ADAMTS12: variants seen among roughly 807,000 people sequenced by gnomAD.
ADAMTS12 encodes ADAM metallopeptidase with thrombospondin type 1 motif 12, also known as A disintegrin and metalloproteinase with thrombospondin motifs 12.
ADAMTS12 carries 118 observed loss-of-function variants against 167.8 expected under a neutral mutation model. That is an observed-to-expected ratio of 0.70 (90% CI 0.61 to 0.82). The LOEUF is 0.82. ADAMTS12 is among the 40% of genes least tolerant of loss of function. The pLI is 0.00. For missense variants in ADAMTS12, 1,916 were observed against 1,998.8 expected, an observed-to-expected ratio of 0.96 and a Z score of 0.79; for synonymous variants, 704 against 716.9, an observed-to-expected ratio of 0.98 and a Z score of 0.29.
intron 2 of ADAMTS12, among the ~76,000 whole-genome samples, chr5:33,820,368 C>T (rs924738570): frequency 6.6e-6 from 1 of 152,288 alleles, no homozygotes; most frequent in South Asian, 2.1e-4. Flanking sequence ...AAAGCACCAC[C>T]TGCATTATTT....
chr5:33,624,423 T>A (rs952257465), intron 13 of ADAMTS12, 72 bp from the exon 14 acceptor site: 1 of 1,596,594 alleles, frequency 6.3e-7, no homozygotes, highest in Admixed American at 1.7e-5. Context: ...TGTGACTTCT[T>A]CTTTCCCCTT....
At chr5:33,796,931 C>G (rs967572775) in intron 2 of ADAMTS12, among the ~76,000 whole-genome samples, 1 of 152,178 alleles carries the variant, frequency 6.6e-6, no homozygotes, top group African/African-American at 2.4e-5. Context: ...GGATGATGAA[C>G]TCAGTGATTG....
At chr5:33,644,784 G>A (rs1248357736) in intron 9 of ADAMTS12, among the ~76,000 whole-genome samples, 1 of 151,438 alleles carries the variant, frequency 6.6e-6, no homozygotes, top group Non-Finnish European at 1.5e-5. Context: ...AGGCTGGAGT[G>A]CAGTGGTGCC....
At chr5:33,718,995 G>A (rs1004411081) in intron 3 of ADAMTS12, among the ~76,000 whole-genome samples, 1 of 152,176 alleles carries the variant, frequency 6.6e-6, no homozygotes, top group African/African-American at 2.4e-5. Context: ...AGGTTTCTGT[G>A]CCTCTGTGTC....
At chr5:33,602,835 A>G (rs1184144677) in intron 16 of ADAMTS12, among the ~76,000 whole-genome samples, 1 of 152,236 alleles carries the variant, frequency 6.6e-6, no homozygotes, top group Non-Finnish European at 1.5e-5. Flanking sequence ...ATTTATTTCC[A>G]ATGAATGTGA....
At position 33,616,220 on chromosome 5, in the gene ADAMTS12, C is replaced by T. The variant is rs538941782; in HGVS notation, c.2144-148G>A. The T allele has an allele frequency of 2.0e-4, 220 of 1,074,470 alleles. 3 individuals carry two copies. In the South Asian group the frequency reaches 3.6e-3, roughly 17 times the overall value. 66.6% of individuals were successfully genotyped at this position (1,074,470 alleles called of 1,614,324 possible). On this transcript the variant is annotated intron_variant, in intron 14 of 23. Transcript: ENST00000504830. ...GCCACTGGAATTGGCAGAAGCACTA[C>T]TTATGGGGGATTTTCGAGAACTTGG...
At chr5:33,609,933 A>G (rs1354621403) in intron 16 of ADAMTS12, among the ~76,000 whole-genome samples, 2 of 152,108 alleles carry the variant, frequency 1.3e-5, no homozygotes, top group East Asian at 3.9e-4. Flanking sequence ...TAATTGCAGC[A>G]CTTTGGGAGG....
intron 2 of ADAMTS12, among the ~76,000 whole-genome samples, chr5:33,755,423 C>T (rs1745132878): frequency 6.6e-6 from 1 of 152,196 alleles, no homozygotes; most frequent in South Asian, 2.1e-4. Flanking sequence ...AGGATTGTTG[C>T]ACTCTTCAGA....
intron 3 of ADAMTS12, among the ~76,000 whole-genome samples, chr5:33,696,956 T>A (rs62352072): frequency 0.044 from 6,758 of 152,278 alleles, 309 homozygotes; most frequent in East Asian, 0.17. Flanking sequence ...CATTTTAAGC[T>A]TCTAAATTTT....
At chr5:33,736,686 G>T (rs915953037) in intron 3 of ADAMTS12, among the ~76,000 whole-genome samples, 1 of 152,164 alleles carries the variant, frequency 6.6e-6, no homozygotes, top group African/African-American at 2.4e-5. Context: ...AACAAGTCTG[G>T]GTTGTCCTTT....
At chr5:33,735,741 T>C (rs768582493) in intron 3 of ADAMTS12, among the ~76,000 whole-genome samples, 2 of 152,182 alleles carry the variant, frequency 1.3e-5, no homozygotes, top group Non-Finnish European at 1.5e-5. Flanking sequence ...GGTCAATGAA[T>C]GTCCAGCACG....
intron 7 of ADAMTS12, among the ~76,000 whole-genome samples, chr5:33,650,486 T>C (rs1476943001): frequency 3.3e-5 from 5 of 152,222 alleles, no homozygotes; most frequent in African/African-American, 1.2e-4. Context: ...ATTTTCCTTT[T>C]CCATATGAAA....
intron 1 of ADAMTS12, among the ~76,000 whole-genome samples, chr5:33,883,327 GTTTTTTTTTTTT>G (rs79064946): frequency 9.0e-6 from 1 of 111,606 alleles, no homozygotes; most frequent in African/African-American, 3.3e-5. Context: ...TTTTTTTTTT[GTTTTTTTTTTTT>G]TTGTTTTTTT....
At chr5:33,789,412 A>G (rs1407518090) in intron 2 of ADAMTS12, among the ~76,000 whole-genome samples, 1 of 152,212 alleles carries the variant, frequency 6.6e-6, no homozygotes, top group East Asian at 1.9e-4. Context: ...ACCATTGTCC[A>G]TGCCTCACTG....
chr5:33,545,719 G>C (rs1744939704), intron 22 of ADAMTS12, among the ~76,000 whole-genome samples: 1 of 152,068 alleles, frequency 6.6e-6, no homozygotes, highest in African/African-American at 2.4e-5. Context: ...TAGGGACATG[G>C]ATGAAGTTGG....
chr5:33,615,713 G>C, intron 15 of ADAMTS12, 115 bp downstream of exon 15: 1 of 1,393,918 alleles, frequency 7.2e-7, no homozygotes, highest in Non-Finnish European at 9.8e-7. Flanking sequence ...CCTGCTCCTT[G>C]CTAAAAGAGG....
chr5:33,731,498 G>T (rs1012213067), intron 3 of ADAMTS12, among the ~76,000 whole-genome samples: 8 of 152,214 alleles, frequency 5.3e-5, no homozygotes, highest in East Asian at 1.9e-4. Flanking sequence ...CCTTGAAAAG[G>T]TATGCATGAT....
At chr5:33,852,394 C>A (rs781466846) in intron 2 of ADAMTS12, among the ~76,000 whole-genome samples, 18 of 152,118 alleles carry the variant, frequency 1.2e-4, no homozygotes, top group Non-Finnish European at 2.2e-4. Flanking sequence ...TTAAGTGACT[C>A]ATTTCTTACG....
At position 33,576,664 on chromosome 5, in the gene ADAMTS12, G is replaced by A; in HGVS notation, c.3362C>T (p.Ala1121Val). ...TGPTSEGGLV[A>V]TTTSGSGLSS... ...CAAGCCAGAACCACTTGTTGTTGTA[G>A]CTACAAGGCCTCCCTCCGAGGTAGG... Residue 1121 changes from alanine to valine, a missense_variant, in exon 19 of 24, where the codon GCT becomes GTT. Physicochemically the swap from Ala to Val is moderately conservative, Grantham distance 64. Coordinates refer to ENST00000504830, the MANE Select transcript of ADAMTS12 (RefSeq NM_030955.4). 1 of 1,614,222 alleles carries A rather than the reference G, an allele frequency of 6.2e-7. No individual in the cohort carries two copies.
Sources: gnomAD v4.1 joint callset for allele counts (sites outside exome capture counted in the v4.1 genomes callset) on GRCh38, gnomAD v4.1.1 for gene constraint, MANE v1.5 for transcripts, NCBI Gene and HGNC (gene_info 2026-07-23, HGNC 2026-07-21) for gene names.